Variants in DOCK3 observed in about 807,000 individuals in gnomAD.
The protein encoded by DOCK3 is dedicator of cytokinesis 3, also known as dedicator of cytokinesis protein 3.
Under a neutral mutation model 265.6 loss-of-function variants are expected in DOCK3, and 60 were observed. The ratio of observed to expected loss-of-function variants is 0.23; its 90% CI spans 0.18 to 0.28. The LOEUF is 0.28. DOCK3 is among the 10% of genes least tolerant of loss of function. The pLI, the probability that DOCK3 is intolerant of heterozygous loss-of-function variation, is 1.00. For missense variants in DOCK3, 1,981 were observed against 2,594.3 expected, an observed-to-expected ratio of 0.76 and a Z score of 5.14; for synonymous variants, 881 against 938.0, an observed-to-expected ratio of 0.94 and a Z score of 1.11.
intron 9 of DOCK3, among the ~76,000 whole-genome samples, chr3:51,141,824 TA>T (rs1258933023): frequency 6.6e-6 from 1 of 152,190 alleles, no homozygotes; most frequent in Non-Finnish European, 1.5e-5. Context: ...AGATTGAAGA[TA>T]CTTTGGGAAG....
chr3:51,371,885 C>G (rs902068259), intron 49 of DOCK3, among the ~76,000 whole-genome samples: 2 of 152,150 alleles, frequency 1.3e-5, no homozygotes, highest in Non-Finnish European at 2.9e-5. Flanking sequence ...TGAGAGACCA[C>G]GGACAACCTG....
intron 12 of DOCK3, among the ~76,000 whole-genome samples, chr3:51,202,572 C>T (rs1175321598): frequency 6.6e-6 from 1 of 152,022 alleles, no homozygotes; most frequent in Non-Finnish European, 1.5e-5. Flanking sequence ...GATTCACAGC[C>T]GAATTCTACC....
intron 5 of DOCK3, among the ~76,000 whole-genome samples, chr3:50,983,750 C>T (rs1028630288): frequency 6.6e-6 from 1 of 152,272 alleles, no homozygotes; most frequent in African/African-American, 2.4e-5. Context: ...ACCCAGGACC[C>T]GCCAAACTGG....
intron 5 of DOCK3, among the ~76,000 whole-genome samples, chr3:50,966,483 GTTTTTTTTTTTTTTCTTCCT>G (rs1260302037): frequency 5.1e-5 from 6 of 116,904 alleles, no homozygotes; most frequent in Non-Finnish European, 1.0e-4. Context: ...GTTATCTCTT[GTTTTTTTTTTTTTTCTTCCT>G]TTTTTTTTTT....
chr3:51,016,616 T>C (rs1433209247), intron 5 of DOCK3, among the ~76,000 whole-genome samples: 1 of 60,376 alleles, frequency 1.7e-5, no homozygotes, highest in Non-Finnish European at 2.8e-5. Context: ...ATATTATATA[T>C]TTATATATAT....
chr3:50,720,389 A>G (rs576440668), intron 1 of DOCK3, among the ~76,000 whole-genome samples: 1 of 152,214 alleles, frequency 6.6e-6, no homozygotes, highest in Admixed American at 6.5e-5. Context: ...AACATGCAGT[A>G]TTTAGTTTTT....
At chr3:51,067,427 T>TGTGTGTGTGTG (rs2081633377) in intron 6 of DOCK3, among the ~76,000 whole-genome samples, 8 of 144,108 alleles carry the variant, frequency 5.6e-5, no homozygotes, top group East Asian at 2.1e-4. Flanking sequence ...TGAAATATGT[T>TGTGTGTGTGTG]TGTGTGTGTG....
At chr3:50,780,887 A>G (rs895529962) in intron 2 of DOCK3, among the ~76,000 whole-genome samples, 5 of 151,908 alleles carry the variant, frequency 3.3e-5, no homozygotes, top group Admixed American at 6.6e-5. Context: ...GCTTCCATGT[A>G]TGAATAAGAA....
intron 9 of DOCK3, among the ~76,000 whole-genome samples, chr3:51,100,000 G>T (rs112896040): frequency 2.0e-5 from 3 of 151,646 alleles, no homozygotes; most frequent in Non-Finnish European, 2.9e-5. Context: ...CAAATTACTG[G>T]CAGCCATGTC....
intron 14 of DOCK3, among the ~76,000 whole-genome samples, chr3:51,224,920 G>A (rs570978953): frequency 2.0e-5 from 3 of 152,294 alleles, no homozygotes; most frequent in Admixed American, 6.5e-5. Flanking sequence ...TGAAGTTTGA[G>A]CTTCTCTTCT....
At chr3:50,961,657 G>A (rs2076889343) in intron 5 of DOCK3, among the ~76,000 whole-genome samples, 2 of 152,170 alleles carry the variant, frequency 1.3e-5, no homozygotes, top group Non-Finnish European at 2.9e-5. Flanking sequence ...TGAGATAAGA[G>A]GACTTTAATT....
At chr3:51,079,502 T>C (rs1304202171) in intron 7 of DOCK3, among the ~76,000 whole-genome samples, 1 of 151,964 alleles carries the variant, frequency 6.6e-6, no homozygotes, top group East Asian at 1.9e-4. Context: ...TCAGCTAATT[T>C]TTATTTTATT....
chr3:50,876,786 C>A, intron 3 of DOCK3: 1 of 153,292 alleles, frequency 6.5e-6, no homozygotes, highest in South Asian at 1.9e-4. Context: ...TTGCTGTGTT[C>A]TGGGCCACAT....
intron 33 of DOCK3, 71 bp from the exon 34 acceptor site, chr3:51,332,930 G>A: frequency 6.3e-7 from 1 of 1,598,168 alleles, no homozygotes; most frequent in South Asian, 1.1e-5. Context: ...CATGGAAATA[G>A]AAGATGTGTT....
intron 27 of DOCK3, among the ~76,000 whole-genome samples, chr3:51,286,126 G>A (rs2081390388): frequency 6.6e-6 from 1 of 152,070 alleles, no homozygotes; most frequent in South Asian, 2.1e-4. Flanking sequence ...AAAGTTTCAG[G>A]ATACAAAAAT....
intron 1 of DOCK3, among the ~76,000 whole-genome samples, chr3:50,764,921 G>A (rs2040773023): frequency 6.6e-6 from 1 of 151,862 alleles, no homozygotes. Flanking sequence ...GGGCATATTT[G>A]TTTTGTTTTG....
intron 2 of DOCK3, among the ~76,000 whole-genome samples, chr3:50,825,532 G>A (rs2044708496): frequency 6.6e-6 from 1 of 152,104 alleles, no homozygotes; most frequent in African/African-American, 2.4e-5. Flanking sequence ...TTTTCAATGG[G>A]GGGTTAAAAT....
At chr3:51,360,176 A>G (rs192351794) in intron 46 of DOCK3, among the ~76,000 whole-genome samples, 1 of 152,286 alleles carries the variant, frequency 6.6e-6, no homozygotes, top group East Asian at 1.9e-4. Flanking sequence ...CCTTCTTCCC[A>G]GATCTTGTTC....
chr3:51,309,521 C>T (rs1319082358), intron 27 of DOCK3, among the ~76,000 whole-genome samples: 2 of 152,178 alleles, frequency 1.3e-5, no homozygotes, highest in African/African-American at 4.8e-5. Context: ...TGCAGTGAGC[C>T]GAGATGGCAG....
Sources: allele counts gnomAD v4.1 joint callset (sites outside exome capture counted in the v4.1 genomes callset), GRCh38; gene constraint gnomAD v4.1.1; transcripts MANE v1.5; gene names NCBI Gene and HGNC (gene_info 2026-07-23, HGNC 2026-07-21).